SLC45A2: variants seen among roughly 807,000 people sequenced by gnomAD.
The protein encoded by SLC45A2 is solute carrier family 45 member 2.
A neutral mutation model predicts 45.5 loss-of-function variants in SLC45A2; 36 were observed. That is an observed-to-expected ratio of 0.79 (90% confidence interval 0.61 to 1.04). The LOEUF is 1.04. Ranked by LOEUF, SLC45A2 falls within the 50% of genes least tolerant of loss-of-function variation. The pLI is 0.00. For missense variants in SLC45A2, 719 were observed against 671.0 expected (o/e 1.07, Z -0.79); for synonymous variants, 306 against 269.3 (o/e 1.14, Z -1.33).
At chr5:33,970,933 C>T in intron 2 of SLC45A2, 1 of 416,836 alleles carries the variant, frequency 2.4e-6, no homozygotes, top group South Asian at 1.9e-5. Context: ...GAGATGGGCA[C>T]CATCTTAAGG....
intron 3 of SLC45A2, among the ~76,000 whole-genome samples, chr5:33,963,252 G>A (rs1446487244): frequency 6.6e-6 from 1 of 152,152 alleles, no homozygotes; most frequent in African/African-American, 2.4e-5. Context: ...GCAGTTCGCT[G>A]AAAATGAACG....
At chr5:33,969,065 C>CTCTCTCTCTCTCTCTGTGTGTGTG in intron 2 of SLC45A2, among the ~76,000 whole-genome samples, 6 of 102,390 alleles carry the variant, frequency 5.9e-5, no homozygotes, top group Admixed American at 2.0e-4. Flanking sequence ...CTCTCTCTCT[C>CTCTCTCTCTCTCTCTGTGTGTGTG]TGTGTGTGTG....
intron 2 of SLC45A2, among the ~76,000 whole-genome samples, chr5:33,967,728 G>A (rs1752640205): frequency 6.6e-6 from 1 of 151,244 alleles, no homozygotes; most frequent in African/African-American, 2.4e-5. Context: ...ATAACCCCTT[G>A]TCTTGTAGAA....
At chr5:33,982,524 C>T in intron 1 of SLC45A2, 112 bp from the exon 2 acceptor site, 1 of 1,102,874 alleles carries the variant, frequency 9.1e-7, no homozygotes, top group Non-Finnish European at 1.3e-6. Flanking sequence ...TTTTATTTTG[C>T]TTTTTTCCAA....
chr5:33,964,087 C>A, intron 2 of SLC45A2, 71 bp from the exon 3 acceptor site: 1 of 1,510,164 alleles, frequency 6.6e-7, no homozygotes, highest in South Asian at 1.2e-5. Context: ...CATAGACACT[C>A]CCCTTCAGTG....
chr5:33,946,625 A>G, intron 6 of SLC45A2: 1 of 1,008,780 alleles, frequency 9.9e-7, no homozygotes, highest in South Asian at 4.3e-5. Flanking sequence ...ATTACCACCC[A>G]TGATTCCAGC....
rs1432235588 is a variant in SLC45A2, at chr5:33,963,799, C to T, written c.780G>A (p.Leu260=). 1.2e-6 allele frequency: 2 copies of T among 1,614,126 alleles called. No homozygotes were observed. Among genetic ancestry groups the T allele is most frequent in the Admixed American group, 3.3e-5 (2 of 60,028 alleles). Residue 260 remains leucine (L), a synonymous_variant, in exon 3 of 7, where the codon TTG becomes TTA. Coordinates refer to ENST00000296589, the MANE Select transcript of SLC45A2 (RefSeq NM_016180.5). ...CATACTCGTACATTCCATCTGATGA[C>T]AATGGAGGGTCCTGAGGGGTTTGCT... The part of the protein sequence containing the change: ...PPQQTPQDPP[L]SSDGMYEYGS...
At chr5:33,954,055 T>C (rs1752195137) in intron 4 of SLC45A2, among the ~76,000 whole-genome samples, 2 of 151,054 alleles carry the variant, frequency 1.3e-5, no homozygotes. Flanking sequence ...CCCAGATTCA[T>C]AAAGCAAGTC....
chr5:33,971,100 T>C, intron 2 of SLC45A2: 2 of 523,978 alleles, frequency 3.8e-6, no homozygotes, highest in South Asian at 1.4e-5. Context: ...CCAAGATGTG[T>C]TGGGAGTTGT....
chr5:33,944,743 T>G lies in SLC45A2; in HGVS notation c.1498A>C (p.Thr500Pro), dbSNP rs11568737. ...ACCACGACGACAACGGTCCCGGCTG[T>G]GTTGACCAGAAAGCCCAGGCCACCT... is the stretch of plus-strand genomic sequence containing the variant. ...VGGGLGFLVN[T>P]AGTVVVVVIT... The change falls in exon 7 of 7, where the codon ACA becomes CCA. Residue 500 changes from threonine to proline, a missense_variant. By Grantham distance (38) the Thr-to-Pro change is conservative (BLOSUM62 -1). Coordinates refer to ENST00000296589, the MANE Select transcript of SLC45A2 (RefSeq NM_016180.5). 6.6e-5 allele frequency: 106 copies of G among 1,614,166 alleles called. No individual in the cohort carries two copies. In the East Asian group the frequency reaches 2.3e-3, roughly 36 times the overall value.
intron 2 of SLC45A2, among the ~76,000 whole-genome samples, chr5:33,970,054 G>A (rs72743351): frequency 0.073 from 11,167 of 152,200 alleles, 694 homozygotes; most frequent in East Asian, 0.18. Flanking sequence ...AGGGAGCACA[G>A]GGCACAAATG....
Sources: gnomAD v4.1 joint callset for allele counts (sites outside exome capture counted in the v4.1 genomes callset) on GRCh38, gnomAD v4.1.1 for gene constraint, MANE v1.5 for transcripts, NCBI Gene and HGNC (gene_info 2026-07-23, HGNC 2026-07-21) for gene names.